SPO11: variants seen among roughly 807,000 people sequenced by gnomAD.
SPO11 encodes the protein SPO11 initiator of meiotic double strand breaks.
A neutral mutation model predicts 51.6 loss-of-function variants in SPO11; 49 were observed. The observed-to-expected ratio is 0.95, with a 90% CI of 0.75 to 1.20. The LOEUF is 1.20. Among genes scored for constraint, SPO11 ranks in the 50% most tolerant of loss-of-function variants. The probability of loss-of-function intolerance (pLI) is 0.00; values close to 1 mark genes in which losing one functional copy is unlikely to be tolerated. For missense variants in SPO11, 431 were observed against 473.4 expected (o/e 0.91, Z 0.83); for synonymous variants, 176 against 158.2 (o/e 1.11, Z -0.84).
intron 10 of SPO11, among the ~76,000 whole-genome samples, 190 bp downstream of exon 10, chr20:57,339,216 G>A (rs888565891): frequency 2.0e-5 from 3 of 152,016 alleles, no homozygotes; most frequent in African/African-American, 7.3e-5. Flanking sequence ...TATGACCAGT[G>A]CAAACACAGA....
At chr20:57,330,035 C>T in intron 1 of SPO11, 37 bp downstream of exon 1, 1 of 1,538,668 alleles carries the variant, frequency 6.5e-7, no homozygotes, top group Non-Finnish European at 8.7e-7. Flanking sequence ...CGCAGCCACT[C>T]TGTAGAAAAG....
chr20:57,335,749 A>T (rs754159968), intron 7 of SPO11, 49 bp from the exon 8 acceptor site: 24 of 1,164,650 alleles, frequency 2.1e-5, no homozygotes, highest in Non-Finnish European at 3.1e-5. Context: ...TTAGTTGGTG[A>T]TTAAATTGAA....
At chr20:57,336,799 C>T (rs920483116) in intron 8 of SPO11, among the ~76,000 whole-genome samples, 1 of 152,116 alleles carries the variant, frequency 6.6e-6, no homozygotes, top group Non-Finnish European at 1.5e-5. Context: ...GAGCTAGGAC[C>T]CCTGCTAAGC....
At chr20:57,337,150 G>A (rs991368718) in intron 8 of SPO11, among the ~76,000 whole-genome samples, 1 of 151,090 alleles carries the variant, frequency 6.6e-6, no homozygotes, top group African/African-American at 2.4e-5. Context: ...GCTGTGACCC[G>A]AAGCCCATTC....
At chr20:57,338,507 G>A (rs1170993613) in intron 9 of SPO11, 132 bp downstream of exon 9, 30 of 646,284 alleles carry the variant, frequency 4.6e-5, no homozygotes, top group East Asian at 3.2e-4. Context: ...GCAATGGCGC[G>A]ATCTTGGCTC....
At chr20:57,338,588 C>T (rs2066542657) in intron 9 of SPO11, among the ~76,000 whole-genome samples, 2 of 152,038 alleles carry the variant, frequency 1.3e-5, no homozygotes, top group South Asian at 4.2e-4. Flanking sequence ...GAACTATAGG[C>T]ACATGCCACC....
At position 57,343,428 on chromosome 20, in the gene SPO11, C is replaced by T. The variant is rs775538760; in HGVS notation, c.1159C>T (p.Pro387Ser). The T allele has an allele frequency of 6.9e-6, 11 of 1,599,782 alleles. No individual in the cohort carries two copies. Among genetic ancestry groups the T allele is most frequent in the South Asian group, 1.1e-5 (1 of 87,032 alleles). ...AGATTATCTTTCCAGAGTGTACTTA[C>T]CTAACAAATTAAAATTTGGAGGATG... ...SSDYLSRVYLPNKLKFGGWI is the reference protein window; with the variant it reads ...SSDYLSRVYLSNKLKFGGWI Residue 387 changes from proline (P) to serine (S), a missense_variant, in exon 13 of 13, where the codon CCT becomes TCT. Physicochemically the swap from Pro to Ser is moderately conservative, Grantham distance 74 (BLOSUM62 -1). Around this residue, in one of 3 missense-constraint regions of SPO11, gnomAD observed 23 missense variants for 27.3 expected, o/e 0.84. Transcript: ENST00000371263.
chr20:57,343,252 A>G, intron 12 of SPO11, 89 bp from the exon 13 acceptor site: 3 of 1,490,584 alleles, frequency 2.0e-6, no homozygotes, highest in Non-Finnish European at 2.7e-6. Context: ...GGTTTTGGAG[A>G]ATAAAGCAAT....
At chr20:57,338,470 T>C (rs1379467991) in intron 9 of SPO11, 95 bp downstream of exon 9, 3 of 926,986 alleles carry the variant, frequency 3.2e-6, no homozygotes, top group Non-Finnish European at 4.8e-6. Flanking sequence ...CTTTTTGAGA[T>C]TGAGTCCTGC....
chr20:57,336,548 C>G (rs1239731859), intron 8 of SPO11, among the ~76,000 whole-genome samples: 2 of 152,104 alleles, frequency 1.3e-5, no homozygotes, highest in African/African-American at 4.8e-5. Context: ...ATCTGGATGC[C>G]TCTGTGGAAC....
intron 8 of SPO11, among the ~76,000 whole-genome samples, chr20:57,336,803 G>C (rs146006834): frequency 1.3e-5 from 2 of 152,272 alleles, no homozygotes; most frequent in East Asian, 1.9e-4. Flanking sequence ...TAGGACCCCT[G>C]CTAAGCACTT....
chr20:57,330,919 A>G (rs559275800), intron 1 of SPO11, among the ~76,000 whole-genome samples: 1 of 152,352 alleles, frequency 6.6e-6, no homozygotes, highest in South Asian at 2.1e-4. Flanking sequence ...TCTCCAAACT[A>G]GGAAAAATGA....
chr20:57,341,422 G>A (rs546018279), intron 11 of SPO11, among the ~76,000 whole-genome samples: 2 of 152,326 alleles, frequency 1.3e-5, no homozygotes, highest in African/African-American at 4.8e-5. Flanking sequence ...GAGTCCACCT[G>A]TCCCTCAGCT....
At chr20:57,330,801 G>C (rs887283170) in intron 1 of SPO11, among the ~76,000 whole-genome samples, 4 of 152,186 alleles carry the variant, frequency 2.6e-5, no homozygotes, top group African/African-American at 9.7e-5. Context: ...GAGAACTTGG[G>C]AGAGTGAGGG....
At chr20:57,342,918 T>C in intron 12 of SPO11, 78 bp downstream of exon 12, 1 of 986,198 alleles carries the variant, frequency 1.0e-6, no homozygotes, top group Non-Finnish European at 1.6e-6. Context: ...CATCGTATTT[T>C]GAAAATATCC....
intron 11 of SPO11, among the ~76,000 whole-genome samples, chr20:57,341,328 ACTG>A (rs1375500626): frequency 3.9e-5 from 6 of 152,202 alleles, no homozygotes; most frequent in African/African-American, 1.4e-4. Flanking sequence ...TCCCAGAAGA[ACTG>A]GTGGGTCAAA....
chr20:57,342,140 A>T (rs896330623), intron 11 of SPO11, among the ~76,000 whole-genome samples: 3 of 152,184 alleles, frequency 2.0e-5, no homozygotes, highest in Admixed American at 1.3e-4. Flanking sequence ...ACGTTTTTCA[A>T]ATTTAAAACT....
intron 10 of SPO11, among the ~76,000 whole-genome samples, chr20:57,339,664 AT>A (rs2066556528): frequency 6.6e-6 from 1 of 152,224 alleles, no homozygotes; most frequent in African/African-American, 2.4e-5. Flanking sequence ...ACAATAAGAA[AT>A]GTAGGTCAGA....
chr20:57,333,539 A>C, intron 3 of SPO11, 148 bp from the exon 4 acceptor site: 1 of 635,766 alleles, frequency 1.6e-6, no homozygotes, highest in Non-Finnish European at 2.8e-6. Flanking sequence ...CTGATTCTGC[A>C]GGTAATTGTT....
Sources: gnomAD v4.1 joint callset for allele counts (sites outside exome capture counted in the v4.1 genomes callset) on GRCh38, gnomAD v4.1.1 for gene constraint, gnomAD v4.1.1 regional missense constraint, MANE v1.5 for transcripts, NCBI Gene and HGNC (gene_info 2026-07-23, HGNC 2026-07-21) for gene names.